EPHA6: variants seen among roughly 807,000 people sequenced by gnomAD.
EPHA6 encodes the protein ephrin type-A receptor 6.
Under a neutral mutation model 112.0 loss-of-function variants are expected in EPHA6, and 50 were observed. The ratio of observed to expected loss-of-function variants is 0.45; its 90% CI spans 0.36 to 0.56. The LOEUF (loss-of-function observed/expected upper bound fraction) is 0.56, where lower values mean the gene tolerates loss of function less well. EPHA6 is among the 20% of genes least tolerant of loss of function. EPHA6 has a pLI of 0.00. For missense variants in EPHA6, 1,280 were observed against 1,417.4 expected, an observed-to-expected ratio of 0.90 and a Z score of 1.56; for synonymous variants, 529 against 490.7, an observed-to-expected ratio of 1.08 and a Z score of -1.03.
intron 12 of EPHA6, among the ~76,000 whole-genome samples, chr3:97,610,064 A>G (rs1576062624): frequency 6.6e-6 from 1 of 151,570 alleles, no homozygotes; most frequent in South Asian, 2.1e-4. Flanking sequence ...ACCAATTGAT[A>G]TGATAAAAAA....
chr3:97,341,691 A>G (rs1444316667), intron 5 of EPHA6, among the ~76,000 whole-genome samples: 1 of 152,174 alleles, frequency 6.6e-6, no homozygotes, highest in Admixed American at 6.5e-5. Context: ...GATCATATAT[A>G]TAAAATTCAT....
intron 14 of EPHA6, among the ~76,000 whole-genome samples, chr3:97,719,251 T>A (rs2034402195): frequency 6.6e-6 from 1 of 152,046 alleles, no homozygotes; most frequent in Non-Finnish European, 1.5e-5. Context: ...GTGATCAGAT[T>A]ATGTGATCAT....
intron 14 of EPHA6, among the ~76,000 whole-genome samples, chr3:97,683,678 G>A (rs2032035056): frequency 6.6e-6 from 1 of 152,080 alleles, no homozygotes; most frequent in Admixed American, 6.6e-5. Context: ...AGGGTGGCTT[G>A]AGGGTTGATA....
intron 1 of EPHA6, among the ~76,000 whole-genome samples, chr3:96,831,766 A>G (rs901265214): frequency 1.3e-5 from 2 of 152,100 alleles, no homozygotes; most frequent in Non-Finnish European, 2.9e-5. Context: ...AAGCTAGCTA[A>G]CATAAACAGA....
chr3:96,867,464 A>G (rs1309359165), intron 2 of EPHA6, among the ~76,000 whole-genome samples: 1 of 151,782 alleles, frequency 6.6e-6, no homozygotes, highest in African/African-American at 2.4e-5. Context: ...CTATGGTTGT[A>G]CTTGACTTTT....
intron 3 of EPHA6, among the ~76,000 whole-genome samples, chr3:96,999,362 A>C (rs1478844913): frequency 6.6e-6 from 1 of 152,010 alleles, no homozygotes; most frequent in East Asian, 1.9e-4. Context: ...TGCTTCATGC[A>C]GTAATTCAGG....
At chr3:97,532,772 A>G (rs1421802264) in intron 11 of EPHA6, among the ~76,000 whole-genome samples, 1 of 152,030 alleles carries the variant, frequency 6.6e-6, no homozygotes, top group Non-Finnish European at 1.5e-5. Context: ...AACATAACTT[A>G]AAGTAATGAA....
intron 10 of EPHA6, among the ~76,000 whole-genome samples, chr3:97,495,001 T>A (rs902078356): frequency 1.3e-5 from 2 of 152,158 alleles, no homozygotes; most frequent in African/African-American, 4.8e-5. Flanking sequence ...ATACTCCAAA[T>A]GTTTTCTAAT....
chr3:97,462,617 G>A (rs1413418241), intron 7 of EPHA6, among the ~76,000 whole-genome samples: 2 of 152,112 alleles, frequency 1.3e-5, no homozygotes. Flanking sequence ...TATTGAAAAT[G>A]ATATTTTTGG....
At chr3:97,495,479 A>T (rs1481689711) in intron 10 of EPHA6, among the ~76,000 whole-genome samples, 4 of 151,976 alleles carry the variant, frequency 2.6e-5, no homozygotes, top group Non-Finnish European at 5.9e-5. Flanking sequence ...GATATGGAAT[A>T]TATGGTATAT....
intron 14 of EPHA6, among the ~76,000 whole-genome samples, chr3:97,696,663 A>T (rs2033061064): frequency 6.6e-6 from 1 of 152,184 alleles, no homozygotes; most frequent in African/African-American, 2.4e-5. Flanking sequence ...TAGCAAAAAC[A>T]CAGCTAGATC....
intron 3 of EPHA6, among the ~76,000 whole-genome samples, chr3:97,074,582 A>G (rs901825395): frequency 3.9e-5 from 6 of 152,038 alleles, no homozygotes; most frequent in African/African-American, 1.4e-4. Flanking sequence ...AAGATTCTCA[A>G]ACTCCTCATT....
intron 7 of EPHA6, among the ~76,000 whole-genome samples, chr3:97,449,757 A>C (rs192682614): frequency 2.6e-3 from 390 of 152,244 alleles, no homozygotes; most frequent in African/African-American, 8.9e-3. Context: ...CTATGCTGTT[A>C]GCTACTCCAC....
intron 2 of EPHA6, among the ~76,000 whole-genome samples, chr3:96,963,230 G>A (rs1301628454): frequency 6.7e-6 from 1 of 150,170 alleles, no homozygotes; most frequent in Non-Finnish European, 1.5e-5. Context: ...CAACTTAAAA[G>A]GGTAAAAACT....
chr3:97,557,588 C>T (rs954456238), intron 11 of EPHA6, among the ~76,000 whole-genome samples: 1 of 151,826 alleles, frequency 6.6e-6, no homozygotes, highest in Non-Finnish European at 1.5e-5. Context: ...GACCAGCTTG[C>T]CATGTATCCC....
chr3:97,662,116 A>T (rs2094173888), intron 14 of EPHA6, among the ~76,000 whole-genome samples: 1 of 152,150 alleles, frequency 6.6e-6, no homozygotes, highest in African/African-American at 2.4e-5. Context: ...GCAGTATGTC[A>T]AAACTAACAG....
chr3:97,590,501 G>A (rs997452710), intron 11 of EPHA6, among the ~76,000 whole-genome samples: 6 of 152,144 alleles, frequency 3.9e-5, no homozygotes, highest in African/African-American at 1.2e-4. Flanking sequence ...GAAAAACTCA[G>A]ATAAAAATCT....
intron 3 of EPHA6, among the ~76,000 whole-genome samples, chr3:97,219,740 A>G (rs1294221086): frequency 6.6e-6 from 1 of 152,204 alleles, no homozygotes; most frequent in Non-Finnish European, 1.5e-5. Flanking sequence ...TTGGCAATTA[A>G]CATTCAGCTC....
chr3:96,980,147 A>T (rs1467156755), intron 2 of EPHA6, among the ~76,000 whole-genome samples: 1 of 152,154 alleles, frequency 6.6e-6, no homozygotes, highest in Non-Finnish European at 1.5e-5. Flanking sequence ...CCTGAACGGT[A>T]TTACCTAGGT....
Sources: gnomAD v4.1 joint callset for allele counts (sites outside exome capture counted in the v4.1 genomes callset) on GRCh38, gnomAD v4.1.1 for gene constraint, MANE v1.5 for transcripts, NCBI Gene and HGNC (gene_info 2026-07-23, HGNC 2026-07-21) for gene names.